The following HTR4 variants were observed in gnomAD, a reference collection of about 807,000 sequenced individuals.
HTR4 encodes the protein 5-hydroxytryptamine (serotonin) receptor 4, G protein-coupled.
In HTR4, 16 loss-of-function variants were observed where a neutral mutation model predicts 36.8. That is an observed-to-expected ratio of 0.43 (90% CI 0.29 to 0.66). The LOEUF (loss-of-function observed/expected upper bound fraction) is 0.66, where lower values mean the gene tolerates loss of function less well. HTR4 is among the 30% of genes least tolerant of loss of function. The probability of loss-of-function intolerance (pLI) is 0.13; values close to 1 mark genes in which losing one functional copy is unlikely to be tolerated. For synonymous variants in HTR4, 189 were observed against 185.1 expected, an observed-to-expected ratio of 1.02 and a Z score of -0.17; for missense variants, 438 against 490.9, an observed-to-expected ratio of 0.89 and a Z score of 1.02.
intron 4 of HTR4, among the ~76,000 whole-genome samples, chr5:148,532,990 G>T (rs1439612961): frequency 6.6e-6 from 1 of 152,164 alleles, no homozygotes; most frequent in African/African-American, 2.4e-5. Context: ...TAGGCTAGGA[G>T]GAGTTACCAA....
At chr5:148,566,319 C>A (rs1282111707) in intron 2 of HTR4, among the ~76,000 whole-genome samples, 3 of 152,122 alleles carry the variant, frequency 2.0e-5, no homozygotes, top group East Asian at 1.9e-4. Context: ...TAATTTGTGA[C>A]CTTTTTTAAA....
intron 2 of HTR4, among the ~76,000 whole-genome samples, chr5:148,556,672 A>G (rs1759965390): frequency 6.6e-6 from 1 of 152,182 alleles, no homozygotes; most frequent in Admixed American, 6.5e-5. Flanking sequence ...ATATTAATCC[A>G]CTGAGGATCT....
intron 5 of HTR4, chr5:148,521,055 TCTCTC>T (rs1281140621): frequency 3.7e-6 from 5 of 1,342,602 alleles, no homozygotes; most frequent in Non-Finnish European, 5.0e-6. Flanking sequence ...TTGCTCTTAA[TCTCTC>T]CTCTCCACTC....
chr5:148,519,327 C>A (rs114707857), intron 5 of HTR4, among the ~76,000 whole-genome samples: 2,945 of 152,208 alleles, frequency 0.019, 91 homozygotes, highest in African/African-American at 0.068. Context: ...TAGGTGGTTT[C>A]TTTCCCATTA....
At chr5:148,538,751 C>G (rs939885018) in intron 4 of HTR4, among the ~76,000 whole-genome samples, 11 of 152,142 alleles carry the variant, frequency 7.2e-5, no homozygotes, top group African/African-American at 2.4e-5. Flanking sequence ...AAAAACATTG[C>G]ATGTTCATAG....
At chr5:148,553,295 G>T (rs1380920693) in intron 2 of HTR4, among the ~76,000 whole-genome samples, 1 of 152,188 alleles carries the variant, frequency 6.6e-6, no homozygotes, top group Non-Finnish European at 1.5e-5. Context: ...AGGATGTCAG[G>T]GAAGGTTCAA....
intron 6 of HTR4, among the ~76,000 whole-genome samples, chr5:148,502,576 A>T (rs74988585): frequency 9.2e-5 from 14 of 152,368 alleles, no homozygotes; most frequent in Admixed American, 4.6e-4. Flanking sequence ...CGAAAGTTCT[A>T]AAAATCAGAG....
intron 2 of HTR4, among the ~76,000 whole-genome samples, chr5:148,607,834 C>A (rs1282738112): frequency 6.6e-6 from 1 of 152,178 alleles, no homozygotes; most frequent in Non-Finnish European, 1.5e-5. Context: ...ACAATACTCA[C>A]TGGCTAGAGT....
intron 5 of HTR4, among the ~76,000 whole-genome samples, chr5:148,453,820 A>G (rs1483518201): frequency 6.6e-6 from 1 of 152,116 alleles, no homozygotes. Flanking sequence ...AATATATGGG[A>G]TGGAGGTAAG....
At chr5:148,538,634 A>G (rs1033717028) in intron 4 of HTR4, among the ~76,000 whole-genome samples, 3 of 152,154 alleles carry the variant, frequency 2.0e-5, no homozygotes, top group African/African-American at 7.2e-5. Context: ...AACTGCCGCA[A>G]AAAGAATAAA....
chr5:148,545,013 C>A (rs1377437460), intron 4 of HTR4, among the ~76,000 whole-genome samples: 8 of 152,212 alleles, frequency 5.3e-5, no homozygotes, highest in Admixed American at 4.6e-4. Context: ...TTGGCCCAGC[C>A]CAGCTGAACC....
At chr5:148,543,465 T>C (rs137903014) in intron 4 of HTR4, among the ~76,000 whole-genome samples, 1 of 152,320 alleles carries the variant, frequency 6.6e-6, no homozygotes, top group East Asian at 1.9e-4. Context: ...ACCTTGCTAA[T>C]AGATCATCCA....
rs1168036043 is a variant in HTR4 at position 148,493,405 on chromosome 5, C to T, written c.1077-10112G>A. ...GCACTACTCTGGTAAAAACAAAATA[C>T]TTAAGTGTGTATGAACTACCTACCA... On this transcript the variant is annotated intron_variant, in intron 6 of 6. Coordinates refer to ENST00000377888, the MANE Select transcript of HTR4 (RefSeq NM_000870.7). 2.0e-5 allele frequency among the ~76,000 whole-genome samples: 3 copies of T among 152,146 alleles called. No homozygotes were observed. The East Asian group carries it at 5.8e-4, about 29-fold the overall frequency.
At chr5:148,540,914 G>A (rs1013101862) in intron 4 of HTR4, among the ~76,000 whole-genome samples, 22 of 152,114 alleles carry the variant, frequency 1.4e-4, no homozygotes, top group Non-Finnish European at 2.1e-4. Context: ...GTCTGGGAAG[G>A]CCCTCGCTAC....
intron 2 of HTR4, among the ~76,000 whole-genome samples, chr5:148,632,250 T>C (rs1167942983): frequency 6.6e-6 from 1 of 152,134 alleles, no homozygotes; most frequent in Non-Finnish European, 1.5e-5. Flanking sequence ...CACTTATTAG[T>C]GGTGATTATA....
At chr5:148,470,505 G>A (rs1290028021) in intron 5 of HTR4, among the ~76,000 whole-genome samples, 1 of 152,184 alleles carries the variant, frequency 6.6e-6, no homozygotes, top group African/African-American at 2.4e-5. Context: ...AGGCCTTGAA[G>A]CCACATAGAG....
chr5:148,590,184 C>T (rs1399501136), intron 2 of HTR4, among the ~76,000 whole-genome samples: 1 of 151,840 alleles, frequency 6.6e-6, no homozygotes, highest in African/African-American at 2.4e-5. Flanking sequence ...TCTAACACCC[C>T]TGTAATTGAA....
chr5:148,465,218 T>C (rs925075564), intron 5 of HTR4, among the ~76,000 whole-genome samples: 30 of 152,132 alleles, frequency 2.0e-4, no homozygotes, highest in African/African-American at 7.0e-4. Flanking sequence ...TGAACTCTAA[T>C]GTAAACTATG....
chr5:148,641,891 A>G (rs114877622), intron 1 of HTR4, among the ~76,000 whole-genome samples: 383 of 152,334 alleles, frequency 2.5e-3, no homozygotes, highest in African/African-American at 9.0e-3. Context: ...CTCTATTATA[A>G]GAAGTGTGAG....
Sources: allele counts gnomAD v4.1 joint callset (sites outside exome capture counted in the v4.1 genomes callset), GRCh38; gene constraint gnomAD v4.1.1; transcripts MANE v1.5; gene names NCBI Gene and HGNC (gene_info 2026-07-23, HGNC 2026-07-21).